LOC400499: variants seen among roughly 807,000 people sequenced by gnomAD.
chr16:11,462,484 C>T, the LOC400499 span: 1,417 of 969,668 alleles, frequency 1.5e-3, 1 homozygote, highest in Non-Finnish European at 1.7e-3. Flanking sequence ...AGCTGGAGTG[C>T]AGTGGTGGAA....
At chr16:11,385,526 G>T in the LOC400499 span, 3 of 695,550 alleles carry the variant, frequency 4.3e-6, no homozygotes, top group Non-Finnish European at 6.0e-6. Flanking sequence ...GGCTTAGCCT[G>T]CCCTGAGGCC....
chr16:11,392,876 CAG>C, the LOC400499 span: 23 of 874,606 alleles, frequency 2.6e-5, no homozygotes, highest in Middle Eastern at 2.8e-3. Context: ...CTTTTTGAGA[CAG>C]AGTCTCGCTC....
chr16:11,427,310 T>C, the LOC400499 span, among the ~76,000 whole-genome samples: 1 of 131,930 alleles, frequency 7.6e-6, no homozygotes, highest in East Asian at 2.2e-4. Context: ...ATGGCGCCAT[T>C]GCACTCCAGC....
chr16:11,411,059 G>A, the LOC400499 span, among the ~76,000 whole-genome samples: 10 of 152,226 alleles, frequency 6.6e-5, no homozygotes, highest in African/African-American at 2.2e-4. Context: ...GCTGGCCCAG[G>A]AATGTAAACC....
chr16:11,386,835 T>G, the LOC400499 span, among the ~76,000 whole-genome samples: 1 of 152,230 alleles, frequency 6.6e-6, no homozygotes, highest in Admixed American at 6.5e-5. Context: ...CTCTTCCAGC[T>G]GGATCTGGAG....
chr16:11,457,201 G>C, the LOC400499 span: 2 of 627,462 alleles, frequency 3.2e-6, no homozygotes, highest in East Asian at 5.7e-5. Context: ...AACAAGGAGC[G>C]TTGGTAAGGA....
At chr16:11,518,838 A>G in the LOC400499 span, 3 of 399,010 alleles carry the variant, frequency 7.5e-6, no homozygotes, top group Non-Finnish European at 1.3e-5. Context: ...GAAAGACGGC[A>G]GAGGGCTCAC....
At chr16:11,446,949 G>A in the LOC400499 span, 1 of 1,512,182 alleles carries the variant, frequency 6.6e-7, no homozygotes, top group Non-Finnish European at 8.8e-7. Flanking sequence ...AGCCATTAAA[G>A]CAGCTGGCAG....
At chr16:11,455,032 G>T in the LOC400499 span, among the ~76,000 whole-genome samples, 1 of 152,148 alleles carries the variant, frequency 6.6e-6, no homozygotes, top group Non-Finnish European at 1.5e-5. Context: ...TGACCACCTG[G>T]AAAAAAGTTT....
chr16:11,482,274 C>T, the LOC400499 span, among the ~76,000 whole-genome samples: 1 of 152,152 alleles, frequency 6.6e-6, no homozygotes, highest in African/African-American at 2.4e-5. Context: ...GAGGCTGAGC[C>T]AGGGGACTCC....
the LOC400499 span, among the ~76,000 whole-genome samples, chr16:11,524,012 A>C: frequency 3.0e-5 from 2 of 67,318 alleles, no homozygotes; most frequent in Admixed American, 1.6e-4. Context: ...CCCCTCCTAT[A>C]CACCCACCCC....
chr16:11,526,891 G>C, the LOC400499 span, among the ~76,000 whole-genome samples: 27 of 152,262 alleles, frequency 1.8e-4, no homozygotes, highest in African/African-American at 6.3e-4. Flanking sequence ...TCCCTGCCTT[G>C]TCTGAGTTTC....
At chr16:11,454,440 C>G in the LOC400499 span, among the ~76,000 whole-genome samples, 1 of 152,180 alleles carries the variant, frequency 6.6e-6, no homozygotes, top group South Asian at 2.1e-4. Context: ...GCCCTTAACC[C>G]AATAGAACTG....
At chr16:11,480,013 G>T in the LOC400499 span, among the ~76,000 whole-genome samples, 1 of 152,152 alleles carries the variant, frequency 6.6e-6, no homozygotes, top group Non-Finnish European at 1.5e-5. Context: ...TCTATAAAGA[G>T]AAACATTGGG....
the LOC400499 span, among the ~76,000 whole-genome samples, chr16:11,483,932 T>A: frequency 6.7e-6 from 1 of 148,166 alleles, no homozygotes; most frequent in African/African-American, 2.5e-5. Flanking sequence ...TGCAAAGAAG[T>A]CTATGGTGAC....
the LOC400499 span, among the ~76,000 whole-genome samples, chr16:11,375,814 C>T: frequency 6.6e-6 from 1 of 150,548 alleles, no homozygotes; most frequent in African/African-American, 2.4e-5. Context: ...ACCGCAACCT[C>T]TGCCTCCCAG....
chr16:11,383,736 G>A, the LOC400499 span: 5 of 1,232,500 alleles, frequency 4.1e-6, no homozygotes, highest in Non-Finnish European at 5.1e-6. Flanking sequence ...GCTCCTGGGT[G>A]CCACAGGGGA....
At chr16:11,476,654 G>A in the LOC400499 span, 24 of 341,288 alleles carry the variant, frequency 7.0e-5, no homozygotes, top group East Asian at 4.9e-4. Flanking sequence ...TTGTGCACAC[G>A]CAGACGTGAT....
At chr16:11,478,303 C>T in the LOC400499 span, among the ~76,000 whole-genome samples, 4 of 151,684 alleles carry the variant, frequency 2.6e-5, no homozygotes, top group Admixed American at 6.6e-5. Flanking sequence ...GCTGGGATTA[C>T]AGGCGTGAGC....
Sources: gnomAD v4.1 joint callset for allele counts (sites outside exome capture counted in the v4.1 genomes callset) on GRCh38, gnomAD v4.1.1 for gene constraint, MANE v1.5 for transcripts.